PTPRJ: variants seen among roughly 807,000 people sequenced by gnomAD.
PTPRJ encodes the protein protein tyrosine phosphatase receptor type J, also known as receptor-type tyrosine-protein phosphatase eta.
A neutral mutation model predicts 141.3 loss-of-function variants in PTPRJ; 129 were observed. The ratio of observed to expected loss-of-function variants is 0.91; its 90% confidence interval spans 0.79 to 1.06. PTPRJ has a LOEUF of 1.06. Ranked by LOEUF, PTPRJ falls within the 50% of genes least tolerant of loss-of-function variation. The pLI is 0.00. For missense variants in PTPRJ, 1,601 were observed against 1,679.7 expected (o/e 0.95, Z 0.82); for synonymous variants, 610 against 640.5 (o/e 0.95, Z 0.72).
chr11:48,115,531 A>G (rs1373520731), intron 3 of PTPRJ, among the ~76,000 whole-genome samples: 1 of 152,218 alleles, frequency 6.6e-6, no homozygotes, highest in Non-Finnish European at 1.5e-5. Flanking sequence ...ACCACTAGAC[A>G]TGTCTTATAA....
chr11:48,143,237 G>A (rs1272380189), intron 12 of PTPRJ, among the ~76,000 whole-genome samples, 187 bp downstream of exon 12: 1 of 152,220 alleles, frequency 6.6e-6, no homozygotes, highest in East Asian at 1.9e-4. Context: ...TTTCTGGAAA[G>A]GGCCAGATTG....
intron 1 of PTPRJ, among the ~76,000 whole-genome samples, chr11:48,037,996 C>T (rs747278299): frequency 1.6e-4 from 24 of 150,850 alleles, no homozygotes; most frequent in Middle Eastern, 3.4e-3. Context: ...GTCCATTTTT[C>T]AAGGCTCAGT....
intron 18 of PTPRJ, 57 bp downstream of exon 18, chr11:48,150,240 C>T: frequency 6.6e-7 from 1 of 1,503,970 alleles, no homozygotes; most frequent in East Asian, 2.3e-5. Context: ...AAGCTGGGAT[C>T]TGAGGGGAGT....
intron 1 of PTPRJ, among the ~76,000 whole-genome samples, chr11:48,102,096 A>G (rs557471458): frequency 2.0e-5 from 3 of 152,212 alleles, no homozygotes; most frequent in Admixed American, 2.0e-4. Context: ...ACAAACACCA[A>G]TGTCTTCAGG....
intron 6 of PTPRJ, among the ~76,000 whole-genome samples, chr11:48,127,235 G>T (rs575733669): frequency 6.6e-6 from 1 of 152,220 alleles, no homozygotes; most frequent in African/African-American, 2.4e-5. Flanking sequence ...GGGTGGAGTG[G>T]GCAGGTGGTG....
At chr11:48,076,262 T>G (rs1348017822) in intron 1 of PTPRJ, among the ~76,000 whole-genome samples, 1 of 152,228 alleles carries the variant, frequency 6.6e-6, no homozygotes, top group Non-Finnish European at 1.5e-5. Flanking sequence ...TCTCCAAGCA[T>G]TGGTGTCTTA....
chr11:48,146,475 T>C (rs1177566854), intron 14 of PTPRJ, among the ~76,000 whole-genome samples: 1 of 152,186 alleles, frequency 6.6e-6, no homozygotes, highest in Non-Finnish European at 1.5e-5. Flanking sequence ...GGGTTTCCTG[T>C]CACCTGAGCA....
At chr11:48,043,049 A>G (rs954721660) in intron 1 of PTPRJ, among the ~76,000 whole-genome samples, 5 of 152,182 alleles carry the variant, frequency 3.3e-5, no homozygotes, top group African/African-American at 1.2e-4. Context: ...GCTTTATGAG[A>G]AAGAAAATAA....
rs566852952 is a variant in PTPRJ, at chr11:48,062,653, C to T, written c.97-47405C>T. On this transcript the variant is annotated intron_variant, in intron 1 of 24. Coordinates refer to ENST00000418331, the MANE Select transcript of PTPRJ (RefSeq NM_002843.4). ...CAATGTGGAGATAGAAAATTGCCTA[C>T]GAGGTTGGACAAGGTGCTGGAGCAG... Among the ~76,000 whole-genome samples, 58 of 152,284 alleles carry T rather than the reference C, an allele frequency of 3.8e-4. 1 individual carries two copies. In the South Asian group the frequency reaches 8.7e-3, roughly 23 times the overall value.
At chr11:48,142,875 G>A in intron 11 of PTPRJ, 44 bp from the exon 12 acceptor site, 1 of 1,578,722 alleles carries the variant, frequency 6.3e-7, no homozygotes, top group Non-Finnish European at 8.6e-7. Context: ...TGTTGCTTTG[G>A]TTTTCAATAT....
At chr11:47,996,551 A>AG (rs1854342383) in intron 1 of PTPRJ, among the ~76,000 whole-genome samples, 1 of 152,164 alleles carries the variant, frequency 6.6e-6, no homozygotes, top group Non-Finnish European at 1.5e-5. Context: ...TTTTGTTACT[A>AG]GGTTTAAGTG....
At chr11:48,111,104 C>G (rs1342844297) in intron 2 of PTPRJ, among the ~76,000 whole-genome samples, 1 of 151,716 alleles carries the variant, frequency 6.6e-6, no homozygotes, top group Non-Finnish European at 1.5e-5. Context: ...TGGTGAAACA[C>G]CATCTGTACT....
intron 1 of PTPRJ, among the ~76,000 whole-genome samples, chr11:47,990,993 T>A (rs1263165205): frequency 6.6e-6 from 1 of 151,996 alleles, no homozygotes; most frequent in African/African-American, 2.4e-5. Flanking sequence ...GTGTTGGGAT[T>A]ACAGGTGTGA....
At chr11:48,122,908 C>T (rs2134341423) in intron 4 of PTPRJ, among the ~76,000 whole-genome samples, 1 of 152,206 alleles carries the variant, frequency 6.6e-6, no homozygotes, top group South Asian at 2.1e-4. Context: ...AAGCTGCAGC[C>T]CTGGGTTCTC....
At chr11:48,139,822 C>G in intron 11 of PTPRJ, 46 bp downstream of exon 11, 1 of 1,591,460 alleles carries the variant, frequency 6.3e-7, no homozygotes. Flanking sequence ...GTGATCACTC[C>G]TGGAGCGGCT....
intron 1 of PTPRJ, among the ~76,000 whole-genome samples, chr11:48,021,681 C>T (rs1855129019): frequency 6.6e-6 from 1 of 152,170 alleles, no homozygotes; most frequent in African/African-American, 2.4e-5. Context: ...AAGCATGCAG[C>T]ACCTGAGAAA....
chr11:48,082,748 A>G (rs1238774990), intron 1 of PTPRJ, among the ~76,000 whole-genome samples: 2 of 151,920 alleles, frequency 1.3e-5, no homozygotes, highest in Non-Finnish European at 2.9e-5. Flanking sequence ...ATCAGAGGTT[A>G]AAGACTTGGT....
chr11:48,124,926 C>G (rs1424121480), intron 5 of PTPRJ, 42 bp from the exon 6 acceptor site: 1 of 1,596,944 alleles, frequency 6.3e-7, no homozygotes, highest in South Asian at 1.1e-5. Flanking sequence ...GGATGTGTCC[C>G]TCTTGTGGTT....
chr11:48,069,445 A>ATTTTTTTTTTTTTTTTTT (rs35405916), intron 1 of PTPRJ, among the ~76,000 whole-genome samples: 1 of 121,322 alleles, frequency 8.2e-6, no homozygotes, highest in African/African-American at 3.2e-5. Flanking sequence ...TACATTGATA[A>ATTTTTTTTTTTTTTTTTT]TTTTTTTTTT....
Sources: allele counts gnomAD v4.1 joint callset (sites outside exome capture counted in the v4.1 genomes callset), GRCh38; gene constraint gnomAD v4.1.1; transcripts MANE v1.5; gene names NCBI Gene and HGNC (gene_info 2026-07-23, HGNC 2026-07-21).